The following PCDH15 variants were observed in gnomAD, a reference collection of about 807,000 sequenced individuals.
PCDH15 encodes protocadherin-15.
Under a neutral mutation model 178.5 loss-of-function variants are expected in PCDH15, and 129 were observed. That is an observed-to-expected ratio of 0.72 (90% confidence interval 0.63 to 0.84). PCDH15 has a LOEUF of 0.84. Among genes scored for constraint, PCDH15 ranks in the 40% least tolerant of loss-of-function variants. The probability of loss-of-function intolerance (pLI) is 0.00; values close to 1 mark genes in which losing one functional copy is unlikely to be tolerated. For missense variants in PCDH15, 2,230 were observed against 2,099.9 expected (o/e 1.06, Z -1.21); for synonymous variants, 800 against 732.0 (o/e 1.09, Z -1.50).
intron 1 of PCDH15, among the ~76,000 whole-genome samples, chr10:55,184,534 T>C (rs989973749): frequency 3.9e-5 from 6 of 152,000 alleles, no homozygotes; most frequent in Non-Finnish European, 7.4e-5. Context: ...ATATGTTACT[T>C]GTACACAATG....
intron 2 of PCDH15, among the ~76,000 whole-genome samples, chr10:55,624,754 G>T (rs549841129): frequency 6.6e-6 from 1 of 151,816 alleles, no homozygotes; most frequent in East Asian, 1.9e-4. Flanking sequence ...GGAAAGAGTG[G>T]GAAAAATTAA....
chr10:54,487,845 G>C (rs919566956), intron 3 of PCDH15, among the ~76,000 whole-genome samples: 3 of 151,838 alleles, frequency 2.0e-5, no homozygotes, highest in African/African-American at 7.2e-5. Flanking sequence ...AACTAATATT[G>C]TAATGTCCTA....
chr10:54,527,177 A>C (rs755513277), intron 3 of PCDH15, among the ~76,000 whole-genome samples: 16 of 152,146 alleles, frequency 1.1e-4, no homozygotes, highest in Non-Finnish European at 2.1e-4. Flanking sequence ...TAACGTTCAG[A>C]GAGTCAAGGT....
At chr10:55,065,878 T>G (rs182865667) in intron 2 of PCDH15, among the ~76,000 whole-genome samples, 1 of 152,170 alleles carries the variant, frequency 6.6e-6, no homozygotes, top group Admixed American at 6.6e-5. Flanking sequence ...CGACTAAGAA[T>G]AATTTGGTTA....
intron 1 of PCDH15, among the ~76,000 whole-genome samples, chr10:54,782,183 G>C (rs367639217): frequency 6.6e-6 from 1 of 152,076 alleles, no homozygotes; most frequent in Non-Finnish European, 1.5e-5. Context: ...GTGATACAGT[G>C]AAAAGGTAAA....
intron 21 of PCDH15, among the ~76,000 whole-genome samples, chr10:53,980,240 A>C (rs796119999): frequency 2.0e-5 from 3 of 152,118 alleles, no homozygotes. Context: ...AAAGAAAAAA[A>C]CTTAATTTTA....
At chr10:53,989,471 C>T (rs1008921008) in intron 21 of PCDH15, among the ~76,000 whole-genome samples, 12 of 152,108 alleles carry the variant, frequency 7.9e-5, no homozygotes, top group African/African-American at 2.9e-4. Context: ...CTTTTATACC[C>T]GTTTACACTT....
chr10:54,207,370 G>T (rs2050914145), intron 10 of PCDH15, among the ~76,000 whole-genome samples: 1 of 50,640 alleles, frequency 2.0e-5, no homozygotes, highest in African/African-American at 4.5e-5. Context: ...TGTTTTGTGT[G>T]TGTGTGTATG....
intron 20 of PCDH15, among the ~76,000 whole-genome samples, chr10:54,010,605 C>A (rs985444644): frequency 1.3e-5 from 2 of 152,194 alleles, no homozygotes; most frequent in Admixed American, 1.3e-4. Flanking sequence ...CCTAGCACAA[C>A]CACCTTGTCA....
At chr10:54,752,252 A>G (rs11004540) in intron 1 of PCDH15, among the ~76,000 whole-genome samples, 74,422 of 149,678 alleles carry the variant, frequency 0.5, 19,027 homozygotes, top group Middle Eastern at 0.68. Flanking sequence ...CGAGGCGGAC[A>G]GATCATGAAG....
chr10:54,121,545 CTGTT>C lies in PCDH15; in HGVS notation c.1917+11326_1917+11329del, dbSNP rs1476462629. Among the ~76,000 whole-genome samples, 13 of 152,154 alleles carry C rather than the reference CTGTT, an allele frequency of 8.5e-5. No homozygotes were observed. The East Asian group carries it at 1.7e-3, about 20-fold the overall frequency. On this transcript the variant is annotated intron_variant, in intron 15 of 37. Transcript: ENST00000644397. ...TGACAGGATAAACAAGATCAATAGA[CTGTT>C]AGTTAGATTAATAAAGAGAAGAAAA...
At chr10:55,378,312 T>C (rs144395815) in intron 2 of PCDH15, among the ~76,000 whole-genome samples, 8 of 152,214 alleles carry the variant, frequency 5.3e-5, no homozygotes, top group African/African-American at 1.9e-4. Flanking sequence ...ATATGGGACA[T>C]ACACATTAGC....
At chr10:54,198,495 C>T (rs367685837) in intron 10 of PCDH15, among the ~76,000 whole-genome samples, 186 of 31,118 alleles carry the variant, frequency 6.0e-3, no homozygotes, top group East Asian at 9.0e-3. Flanking sequence ...TCTAATTATT[C>T]TTTTTTTTTT....
chr10:54,590,206 A>G (rs968145631), intron 2 of PCDH15, among the ~76,000 whole-genome samples: 2 of 152,182 alleles, frequency 1.3e-5, no homozygotes, highest in African/African-American at 4.8e-5. Flanking sequence ...CCATATGACA[A>G]TAAAGTGTTA....
intron 1 of PCDH15, among the ~76,000 whole-genome samples, chr10:55,252,441 AATT>A (rs1270072660): frequency 6.6e-6 from 1 of 151,732 alleles, no homozygotes; most frequent in Non-Finnish European, 1.5e-5. Context: ...AAAAATATTT[AATT>A]ATTATTTATG....
intron 13 of PCDH15, among the ~76,000 whole-genome samples, chr10:54,154,810 G>T (rs1462372660): frequency 6.6e-6 from 1 of 152,148 alleles, no homozygotes; most frequent in Non-Finnish European, 1.5e-5. Context: ...GTGGTTGCTG[G>T]AAGGAAAGGC....
chr10:55,073,229 G>A (rs1337130548), intron 2 of PCDH15, among the ~76,000 whole-genome samples: 5 of 151,970 alleles, frequency 3.3e-5, no homozygotes, highest in Non-Finnish European at 1.5e-5. Context: ...ATTCAACATA[G>A]TGTTGGAAGT....
intron 2 of PCDH15, among the ~76,000 whole-genome samples, chr10:55,357,529 A>G (rs12770828): frequency 0.21 from 32,450 of 151,848 alleles, 3,837 homozygotes; most frequent in African/African-American, 0.31. Context: ...TATTATACTC[A>G]ATGTTTTTTA....
intron 1 of PCDH15, among the ~76,000 whole-genome samples, chr10:54,791,641 T>C (rs1445301223): frequency 1.3e-5 from 2 of 151,948 alleles, no homozygotes; most frequent in African/African-American, 4.8e-5. Flanking sequence ...AATCTTCCCA[T>C]CTCAGTGACA....
Sources: allele counts gnomAD v4.1 joint callset (sites outside exome capture counted in the v4.1 genomes callset), GRCh38; gene constraint gnomAD v4.1.1; transcripts MANE v1.5; gene names NCBI Gene and HGNC (gene_info 2026-07-23, HGNC 2026-07-21).